The following PWWP2B variants were observed in gnomAD, a reference collection of about 807,000 sequenced individuals.
PWWP2B encodes PWWP domain-containing protein 2B.
A neutral mutation model predicts 15.5 loss-of-function variants in PWWP2B; 9 were observed. The observed-to-expected ratio is 0.58, with a 90% CI of 0.35 to 1.02. PWWP2B has a LOEUF of 1.02. PWWP2B is among the 50% of genes least tolerant of loss of function. PWWP2B has a pLI of 0.02. For missense variants in PWWP2B, 864 were observed against 865.3 expected (o/e 1.00, Z 0.02); for synonymous variants, 474 against 403.6 (o/e 1.17, Z -2.09).
Position 132,397,304 on chromosome 10 carries a change from C to G in PWWP2B, c.78C>G (p.Ser26Arg). 1 of 1,430,268 alleles carries G rather than the reference C, an allele frequency of 7.0e-7. No homozygotes were observed. Among genetic ancestry groups the G allele is most frequent in the Non-Finnish European group, 9.2e-7 (1 of 1,082,072 alleles). 88.6% of individuals were successfully genotyped at this position (1,430,268 alleles called of 1,614,324 possible). A position where few individuals can be genotyped will look rare whatever the true frequency, so the allele number is the denominator to read the frequency against. Residue 26 changes from serine to arginine, a missense_variant, in exon 1 of 3, where the codon AGC becomes AGG. Around this residue, in one of 2 missense-constraint regions of PWWP2B, gnomAD observed 736 missense variants for 687.7 expected, o/e 1.07. Coordinates refer to ENST00000305233, the MANE Select transcript of PWWP2B (RefSeq NM_138499.4). ...ACGGCGCGCTGGTGGTCACGGTGAG[C>G]TGCGGCGAGCGGAGCTTCGCGGGGA... is the stretch of plus-strand genomic sequence containing the variant. ...VVNGALVVTV[S>R]CGERSFAGIL...
chr10:132,404,480 C>T (rs1207174675), intron 1 of PWWP2B, 146 bp from the exon 2 acceptor site: 3 of 711,128 alleles, frequency 4.2e-6, no homozygotes, highest in African/African-American at 3.5e-5. Flanking sequence ...GGTTTACCGT[C>T]CTGAAATACA....
intron 1 of PWWP2B, among the ~76,000 whole-genome samples, chr10:132,398,493 G>A (rs2069567819): frequency 6.6e-6 from 1 of 152,320 alleles, no homozygotes; most frequent in East Asian, 1.9e-4. Context: ...CTTGGTCCTG[G>A]TCAGCAGGGC....
intron 1 of PWWP2B, among the ~76,000 whole-genome samples, chr10:132,399,168 C>T (rs1472368894): frequency 6.6e-6 from 1 of 152,224 alleles, no homozygotes; most frequent in Non-Finnish European, 1.5e-5. Context: ...ACCTGCCTTC[C>T]CCAGGTGCCA....
Position 132,417,190 on chromosome 10 carries a change from G to A in PWWP2B, c.*146G>A, listed in dbSNP as rs560917358. ...TGGTCGGCCTGGTGTGAGGCCCCCC[G>A]GGGACCGGCAGTGTGTCCAGGGAGG... On this transcript the variant is annotated 3_prime_UTR_variant, in exon 3 of 3. Transcript: ENST00000305233. The A allele has an allele frequency of 6.7e-5, 81 of 1,217,822 alleles. No individual in the cohort carries two copies. Among genetic ancestry groups the A allele is most frequent in the Admixed American group, 3.3e-4 (19 of 58,410 alleles). The allele number at this position is 1,217,822 out of a possible 1,614,324, so 75.4% of individuals were successfully genotyped here.
rs142699590 is a variant in PWWP2B, at chr10:132,405,885, G to A, written c.1385G>A (p.Arg462His). ...GCGCCCTCGGTGTCCAGAGAGGCTC[G>A]CCAAACGGTGCCGCCCCTGACGGTC... ...ASAPSVSREARQTVPPLTVRL... is the reference protein window; with the variant it reads ...ASAPSVSREAHQTVPPLTVRL... Residue 462 changes from arginine to histidine, a missense_variant, in exon 2 of 3, where the codon CGC becomes CAC. Arg to His is a conservative substitution (Grantham distance 29). This residue lies in a region of PWWP2B where 128 missense variants were observed against 177.6 expected (regional missense o/e 0.72). Coordinates refer to ENST00000305233, the MANE Select transcript of PWWP2B (RefSeq NM_138499.4). 32 of 1,610,144 alleles carry A rather than the reference G, an allele frequency of 2.0e-5. No homozygotes were observed. Among genetic ancestry groups the A allele is most frequent in the East Asian group, 1.3e-4 (6 of 44,704 alleles).
intron 2 of PWWP2B, among the ~76,000 whole-genome samples, chr10:132,406,870 C>T (rs1046062336): frequency 5.9e-5 from 9 of 152,214 alleles, no homozygotes; most frequent in Non-Finnish European, 1.3e-4. Flanking sequence ...AAATCTTCCT[C>T]CTGGGTCAGT....
At chr10:132,400,166 C>A (rs2069597381) in intron 1 of PWWP2B, among the ~76,000 whole-genome samples, 1 of 152,188 alleles carries the variant, frequency 6.6e-6, no homozygotes, top group Admixed American at 6.5e-5. Flanking sequence ...GCACCTGGGC[C>A]AGGGCTGCAG....
rs544606279 is a variant in PWWP2B at position 132,412,254 on chromosome 10, G to A, written c.*17-4807G>A. The stretch of plus-strand genomic sequence containing the variant: ...CTCACCCATGCCTTCAAAGCCAAGC[G>A]TTGTGCCCACCTCTGGTGAGATGCC... On this transcript the variant is annotated intron_variant, in intron 2 of 2. Transcript: ENST00000305233. Among the ~76,000 whole-genome samples the A allele has an allele frequency of 3.7e-4, 56 of 152,366 alleles. 1 individual carries two copies. Among genetic ancestry groups the A allele is most frequent in the East Asian group, 1.2e-3 (6 of 5,182 alleles).
intron 1 of PWWP2B, among the ~76,000 whole-genome samples, chr10:132,401,897 T>G (rs1273262573): frequency 6.6e-6 from 1 of 152,238 alleles, no homozygotes; most frequent in Non-Finnish European, 1.5e-5. Flanking sequence ...TGGGTTCCCC[T>G]ACCCGTCCCA....
intron 1 of PWWP2B, among the ~76,000 whole-genome samples, chr10:132,402,042 G>A (rs533125133): frequency 2.0e-5 from 3 of 152,362 alleles, no homozygotes; most frequent in South Asian, 2.1e-4. Context: ...GTCACCGGCC[G>A]TTTTTGTAGG....
chr10:132,415,641 C>A (rs200964694), intron 2 of PWWP2B, among the ~76,000 whole-genome samples: 13 of 107,476 alleles, frequency 1.2e-4, no homozygotes, highest in African/African-American at 5.8e-4. Flanking sequence ...ACTCACACAC[C>A]CACTCACACA....
At chr10:132,408,914 C>T (rs760596987) in intron 2 of PWWP2B, among the ~76,000 whole-genome samples, 7 of 152,196 alleles carry the variant, frequency 4.6e-5, no homozygotes, top group African/African-American at 1.4e-4. Context: ...GCACAAGGGA[C>T]GGGCACATCG....
At chr10:132,416,262 C>T (rs1590768861) in intron 2 of PWWP2B, among the ~76,000 whole-genome samples, 3 of 152,086 alleles carry the variant, frequency 2.0e-5, no homozygotes, top group Admixed American at 6.5e-5. Context: ...GCGGGGCTGG[C>T]GTGGCCCCGT....
At position 132,405,478 on chromosome 10, in the gene PWWP2B, G is replaced by A. The variant is rs369362715; in HGVS notation, c.978G>A (p.Ala326=). The A allele has an allele frequency of 1.6e-5, 25 of 1,605,016 alleles. No homozygotes were observed. The highest frequency in any genetic ancestry group is 1.5e-4 in the African/African-American group (11 of 75,040). ...TGACACGGCCTGTGCCGGCCGGCGC[G>A]GACCTGCCGCCCCCTAAGATCCGCC... ...LKLTRPVPAG[A]DLPPPKIRLK... Residue 326 remains alanine (A), a synonymous_variant, in exon 2 of 3, where the codon GCG becomes GCA. Coordinates refer to ENST00000305233, the MANE Select transcript of PWWP2B (RefSeq NM_138499.4).
At chr10:132,413,631 C>T (rs1006613574) in intron 2 of PWWP2B, among the ~76,000 whole-genome samples, 1 of 152,270 alleles carries the variant, frequency 6.6e-6, no homozygotes, top group Non-Finnish European at 1.5e-5. Context: ...GTCCTGGTCT[C>T]CCCGGCCTTC....
At chr10:132,415,285 C>G (rs994213097) in intron 2 of PWWP2B, among the ~76,000 whole-genome samples, 5 of 150,536 alleles carry the variant, frequency 3.3e-5, no homozygotes, top group Non-Finnish European at 5.9e-5. Context: ...CATCCACTCT[C>G]ACACACATAT....
At chr10:132,399,872 G>T (rs2069592616) in intron 1 of PWWP2B, among the ~76,000 whole-genome samples, 1 of 152,230 alleles carries the variant, frequency 6.6e-6, no homozygotes, top group Non-Finnish European at 1.5e-5. Context: ...GGGCTGGCCT[G>T]CCCCACCAGA....
intron 1 of PWWP2B, among the ~76,000 whole-genome samples, chr10:132,399,417 G>T (rs1418940321): frequency 6.6e-6 from 1 of 152,256 alleles, no homozygotes; most frequent in Non-Finnish European, 1.5e-5. Context: ...TCACACAGGC[G>T]CCGGGATGCA....
intron 1 of PWWP2B, 84 bp from the exon 2 acceptor site, chr10:132,404,541 CG>C: frequency 8.4e-7 from 1 of 1,189,712 alleles, no homozygotes; most frequent in Non-Finnish European, 1.2e-6. Context: ...GAGCATGGGT[CG>C]GGGGCCTTGG....
Sources: gnomAD v4.1 joint callset for allele counts (sites outside exome capture counted in the v4.1 genomes callset) on GRCh38, gnomAD v4.1.1 for gene constraint, gnomAD v4.1.1 regional missense constraint, MANE v1.5 for transcripts, NCBI Gene and HGNC (gene_info 2026-07-23, HGNC 2026-07-21) for gene names.